MAP2K5: variants seen among roughly 807,000 people sequenced by gnomAD.
MAP2K5 encodes the protein dual specificity mitogen-activated protein kinase kinase 5.
Under a neutral mutation model 83.1 loss-of-function variants are expected in MAP2K5, and 49 were observed. That is an observed-to-expected ratio of 0.59 (90% CI 0.47 to 0.75). The LOEUF (loss-of-function observed/expected upper bound fraction) is 0.75, where lower values mean the gene tolerates loss of function less well. Ranked by LOEUF, MAP2K5 falls within the 30% of genes least tolerant of loss-of-function variation. MAP2K5 has a pLI of 0.00. For synonymous variants in MAP2K5, 202 were observed against 191.8 expected, an observed-to-expected ratio of 1.05 and a Z score of -0.44; for missense variants, 457 against 557.5, an observed-to-expected ratio of 0.82 and a Z score of 1.82.
intron 2 of MAP2K5, among the ~76,000 whole-genome samples, chr15:67,556,533 A>C (rs1596553909): frequency 1.4e-5 from 2 of 142,810 alleles, no homozygotes; most frequent in African/African-American, 2.6e-5. Context: ...GAATTTGTTT[A>C]TTTTTCTTTT....
chr15:67,588,433 C>G (rs1437048423), intron 6 of MAP2K5, among the ~76,000 whole-genome samples: 1 of 152,200 alleles, frequency 6.6e-6, no homozygotes, highest in East Asian at 1.9e-4. Flanking sequence ...CTAGGAATTC[C>G]TATGATACTC....
At chr15:67,635,254 C>T (rs561042432) in intron 9 of MAP2K5, among the ~76,000 whole-genome samples, 9 of 147,914 alleles carry the variant, frequency 6.1e-5, no homozygotes, top group South Asian at 2.1e-4. Flanking sequence ...GGTGCGATCT[C>T]GGCTCCGCCT....
chr15:67,649,538 C>T (rs1042316263), intron 11 of MAP2K5, among the ~76,000 whole-genome samples: 4 of 151,912 alleles, frequency 2.6e-5, no homozygotes, highest in African/African-American at 7.3e-5. Flanking sequence ...CAAATTTATT[C>T]GTTTGCATGT....
In MAP2K5 at chr15:67,806,634, T is replaced by C. The variant is rs2090814347; in HGVS notation, c.1243-12T>C. 1 of 1,548,492 alleles carries C rather than the reference T, an allele frequency of 6.5e-7. No homozygotes were observed. Among genetic ancestry groups the C allele is most frequent in the Non-Finnish European group, 8.7e-7 (1 of 1,146,256 alleles). The stretch of plus-strand genomic sequence containing the variant: ...AGGACTGCCTGTCACAGCCTCCTCC[T>C]CTTCCCCGCAGGGCCACCCGTTCAT... On this transcript the variant is annotated splice_polypyrimidine_tract_variant and intron_variant, in intron 21 of 21. Transcript: ENST00000178640.
At chr15:67,653,456 C>A (rs1310748807) in intron 11 of MAP2K5, among the ~76,000 whole-genome samples, 2 of 151,898 alleles carry the variant, frequency 1.3e-5, no homozygotes, top group East Asian at 3.9e-4. Context: ...GCCACCATGC[C>A]CTGCTAATTT....
Position 67,768,341 on chromosome 15 carries a change from ATCT to A in MAP2K5, c.1135-1256_1135-1254del, listed in dbSNP as rs1260275141. On this transcript the variant is annotated intron_variant, in intron 19 of 21. Coordinates refer to ENST00000178640, the MANE Select transcript of MAP2K5 (RefSeq NM_145160.3). This position sits in a 1 kb window ranked among gnomAD's most constrained non-coding sequence, Gnocchi z 4.0. The stretch of plus-strand genomic sequence containing the variant: ...CGCATATTGCAGAGGTGCTTTTATC[ATCT>A]TCTTTTTTCCACTACATCAAAGCTA... Among the ~76,000 whole-genome samples the A allele has an allele frequency of 6.6e-6, 1 of 152,186 alleles. No individual in the cohort carries two copies.
chr15:67,671,269 CA>C (rs756000876), intron 13 of MAP2K5, among the ~76,000 whole-genome samples: 3 of 152,002 alleles, frequency 2.0e-5, no homozygotes, highest in Non-Finnish European at 2.9e-5. Context: ...GGAGAATTTC[CA>C]AGAGTAGATT....
At chr15:67,710,141 T>C (rs1240168019) in intron 16 of MAP2K5, among the ~76,000 whole-genome samples, 5 of 152,048 alleles carry the variant, frequency 3.3e-5, no homozygotes, top group African/African-American at 1.2e-4. Flanking sequence ...GGACTACAGG[T>C]GCACCACCGC....
chr15:67,806,260 C>T (rs547338867), intron 21 of MAP2K5, among the ~76,000 whole-genome samples: 4 of 152,344 alleles, frequency 2.6e-5, no homozygotes, highest in South Asian at 2.1e-4. Context: ...CCAACTGAAC[C>T]GGAAAGCTGG....
intron 12 of MAP2K5, among the ~76,000 whole-genome samples, chr15:67,663,018 T>C (rs958276739): frequency 1.3e-5 from 2 of 152,192 alleles, no homozygotes; most frequent in Non-Finnish European, 2.9e-5. Context: ...CCACAGATGC[T>C]TCACCCATAT....
Position 67,734,773 on chromosome 15 carries a change from G to A in MAP2K5, c.1074+6828G>A, listed in dbSNP as rs141918877. On this transcript the variant is annotated intron_variant, in intron 17 of 21. Transcript: ENST00000178640. ...TGTTGCATAAACTTTTTGAAGTTTG[G>A]AACATGAAGGATTTAAGTAAATTTT... Among the ~76,000 whole-genome samples the A allele has an allele frequency of 3.4e-3, 525 of 152,218 alleles. 3 individuals are homozygous for A. The highest frequency in any genetic ancestry group is 5.2e-3 in the Non-Finnish European group (356 of 68,004).
rs2090546830 is a variant in MAP2K5 at position 67,793,151 on chromosome 15, T to G, written c.1243-13495T>G. Among the ~76,000 whole-genome samples, 1 of 152,172 alleles carries G rather than the reference T, an allele frequency of 6.6e-6. No individual in the cohort carries two copies. Among genetic ancestry groups the G allele is most frequent in the Non-Finnish European group, 1.5e-5 (1 of 68,028 alleles). On this transcript the variant is annotated intron_variant, in intron 21 of 21. Coordinates refer to ENST00000178640, the MANE Select transcript of MAP2K5 (RefSeq NM_145160.3). The surrounding 1 kb of genome is among the most constrained non-coding windows in gnomAD (Gnocchi z 4.6). Reference sequence around the variant, plus strand: ...GATTTAATTTTTTACAAAGTTAAATTTACTTCCAGCTACTCGGGAAACTGA... The same window carrying G: ...GATTTAATTTTTTACAAAGTTAAATGTACTTCCAGCTACTCGGGAAACTGA...
intron 11 of MAP2K5, among the ~76,000 whole-genome samples, chr15:67,654,194 A>G (rs972245593): frequency 2.6e-5 from 4 of 152,200 alleles, no homozygotes; most frequent in Non-Finnish European, 4.4e-5. Context: ...TATGTTTCAT[A>G]TATTTTGGCA....
At position 67,704,446 on chromosome 15, in the gene MAP2K5, G is replaced by C. The variant is rs921630616; in HGVS notation, c.1044+1038G>C. ...CTCTTTAAATAATATCATAGATAGA[G>C]TTGCAATCATGATTTTGTAACCTTT... is the stretch of plus-strand genomic sequence containing the variant. On this transcript the variant is annotated intron_variant, in intron 16 of 21. Transcript: ENST00000178640. Among the ~76,000 whole-genome samples, 16 of 152,284 alleles carry C rather than the reference G, an allele frequency of 1.1e-4. No homozygotes were observed. In the East Asian group the frequency reaches 3.1e-3, roughly 29 times the overall value.
intron 4 of MAP2K5, among the ~76,000 whole-genome samples, chr15:67,584,881 A>G (rs952097457): frequency 4.0e-5 from 6 of 151,530 alleles, no homozygotes; most frequent in African/African-American, 1.2e-4. Context: ...TATTTTAGGT[A>G]GAGACAGCGT....
Position 67,624,636 on chromosome 15 carries a change from TGTGA to T in MAP2K5, c.546-6248_546-6245del, listed in dbSNP as rs1251717533. On this transcript the variant is annotated intron_variant, in intron 8 of 21. Coordinates refer to ENST00000178640, the MANE Select transcript of MAP2K5 (RefSeq NM_145160.3). ...GTGTGTGTGTGTGTGTGTGTGTGTGTGTGAGTGTGTTTGACGGAGTTTCGCTCTT... is the reference window on the plus strand; with the variant it reads ...GTGTGTGTGTGTGTGTGTGTGTGTGTGTGTGTTTGACGGAGTTTCGCTCTT... Among the ~76,000 whole-genome samples the T allele has an allele frequency of 2.5e-3, 307 of 123,448 alleles. 4 individuals carry two copies. Among genetic ancestry groups the T allele is most frequent in the Admixed American group, 0.022 (240 of 10,820 alleles). The allele number at this position is 123,448 out of a possible 152,430, so 81.0% of individuals were successfully genotyped here. A position where few individuals can be genotyped will look rare whatever the true frequency, so the allele number is the denominator to read the frequency against.
At chr15:67,583,473 G>C (rs895671192) in intron 4 of MAP2K5, among the ~76,000 whole-genome samples, 2 of 151,844 alleles carry the variant, frequency 1.3e-5, no homozygotes, top group Admixed American at 6.6e-5. Flanking sequence ...TTATTTCTGT[G>C]TTTTTTTAAT....
intron 13 of MAP2K5, 88 bp from the exon 14 acceptor site, chr15:67,692,391 C>T (rs1237847034): frequency 5.0e-6 from 4 of 794,876 alleles, no homozygotes; most frequent in African/African-American, 1.8e-5. Context: ...ATTTCTGCAA[C>T]TTGGTGTGGT....
chr15:67,610,293 A>G (rs761960287), intron 8 of MAP2K5, among the ~76,000 whole-genome samples: 1 of 152,228 alleles, frequency 6.6e-6, no homozygotes, highest in African/African-American at 2.4e-5. Context: ...TTATGACAAC[A>G]TAACTTGTTA....
Sources: allele counts gnomAD v4.1 joint callset (sites outside exome capture counted in the v4.1 genomes callset), GRCh38; gene constraint gnomAD v4.1.1; non-coding constraint Gnocchi (gnomAD v3.1); transcripts MANE v1.5; gene names NCBI Gene and HGNC (gene_info 2026-07-23, HGNC 2026-07-21).